METTL15: variants seen among roughly 807,000 people sequenced by gnomAD.
METTL15 encodes the protein 12S rRNA N(4)-cytidine methyltransferase METTL15.
Under a neutral mutation model 38.3 loss-of-function variants are expected in METTL15, and 34 were observed. That is an observed-to-expected ratio of 0.89 (90% CI 0.68 to 1.18). The LOEUF (loss-of-function observed/expected upper bound fraction) is 1.18, where lower values mean the gene tolerates loss of function less well. Among genes scored for constraint, METTL15 ranks in the 50% most tolerant of loss-of-function variants. The pLI is 0.00. For synonymous variants in METTL15, 162 were observed against 170.9 expected, an observed-to-expected ratio of 0.95 and a Z score of 0.41; for missense variants, 438 against 498.4, an observed-to-expected ratio of 0.88 and a Z score of 1.15.
chr11:28,287,154 CAATGTGTGT>C (rs1565225354), intron 4 of METTL15: 4 of 85,382 alleles, frequency 4.7e-5, no homozygotes, highest in African/African-American at 2.0e-4. Flanking sequence ...GAGAGAGAGA[CAATGTGTGT>C]GTGTGTGTGT....
Position 28,418,181 on chromosome 11 carries a change from C to A in METTL15, c.*359-6118C>A, listed in dbSNP as rs138631462. 2.4e-3 allele frequency among the ~76,000 whole-genome samples: 368 copies of A among 152,208 alleles called. 5 individuals are homozygous for A. The highest frequency in any genetic ancestry group is 0.02 in the Admixed American group (307 of 15,286). The stretch of plus-strand genomic sequence containing the variant: ...CTGCCAGTGTATGTCTCTCTGATGA[C>A]CTGCTGCCTCTGGGATTCCTTGAAC... On this transcript the variant is annotated intron_variant and NMD_transcript_variant, in intron 5 of 7. Coordinates refer to the METTL15 transcript ENST00000532947.
chr11:28,413,352 C>G (rs1254377072), intron 5 of METTL15, among the ~76,000 whole-genome samples: 1 of 151,946 alleles, frequency 6.6e-6, no homozygotes, highest in African/African-American at 2.4e-5. Flanking sequence ...ACAAACTAAA[C>G]TTTTGGACTA....
chr11:28,414,351 T>TCAGCCTCCCAAAGTGCTAGGACTATAG, intron 5 of METTL15, among the ~76,000 whole-genome samples: 1 of 152,022 alleles, frequency 6.6e-6, no homozygotes, highest in Non-Finnish European at 1.5e-5. Context: ...TTTCCGAACC[T>TCAGCCTCCCAAAGTGCTAGGACTATAG]GTTCAATCTC....
chr11:28,430,004 C>G (rs968169603), intron 6 of METTL15, among the ~76,000 whole-genome samples: 4 of 136,460 alleles, frequency 2.9e-5, no homozygotes, highest in Non-Finnish European at 6.4e-5. Flanking sequence ...CGCCTCTGCC[C>G]CGCCGCCCCA....
intron 4 of METTL15, among the ~76,000 whole-genome samples, chr11:28,230,708 C>T (rs1418436791): frequency 6.6e-6 from 1 of 151,820 alleles, no homozygotes; most frequent in East Asian, 1.9e-4. Context: ...ATGTATAATC[C>T]TCCTGTTCTC....
intron 3 of METTL15, among the ~76,000 whole-genome samples, chr11:28,139,836 T>A (rs1054572172): frequency 6.6e-6 from 1 of 152,066 alleles, no homozygotes; most frequent in Non-Finnish European, 1.5e-5. Flanking sequence ...AAAAACAGCT[T>A]AAATGCAGGA....
intron 3 of METTL15, among the ~76,000 whole-genome samples, chr11:28,342,341 C>T (rs975098990): frequency 6.6e-6 from 1 of 152,058 alleles, no homozygotes; most frequent in Non-Finnish European, 1.5e-5. Flanking sequence ...ATGGCTCACT[C>T]AGCCTTAACC....
chr11:28,287,914 C>A (rs1256962984), intron 4 of METTL15, among the ~76,000 whole-genome samples: 1 of 149,964 alleles, frequency 6.7e-6, no homozygotes, highest in African/African-American at 2.5e-5. Flanking sequence ...TCTCACAGCC[C>A]CTGGTTTTGC....
chr11:28,351,120 T>A (rs541132265), intron 3 of METTL15, among the ~76,000 whole-genome samples: 2,058 of 16,570 alleles, frequency 0.12, 10 homozygotes, highest in Non-Finnish European at 0.18. Flanking sequence ...TAAAAAAAAT[T>A]TTTTTTTTTT....
chr11:28,158,478 C>G (rs1372748825), intron 3 of METTL15, among the ~76,000 whole-genome samples: 1 of 152,124 alleles, frequency 6.6e-6, no homozygotes, highest in Non-Finnish European at 1.5e-5. Flanking sequence ...AACACCAAGC[C>G]CTCGATATGG....
chr11:28,430,741 C>T (rs1290314992), intron 6 of METTL15, among the ~76,000 whole-genome samples: 25 of 112,658 alleles, frequency 2.2e-4, no homozygotes, highest in East Asian at 5.9e-4. Flanking sequence ...GTCAGCCCTC[C>T]GCCTGGCCAG....
intron 3 of METTL15, among the ~76,000 whole-genome samples, chr11:28,139,889 TGGGTTCCTCCAA>T (rs1202446843): frequency 6.6e-6 from 1 of 152,156 alleles, no homozygotes; most frequent in Non-Finnish European, 1.5e-5. Context: ...TCTATGCAAA[TGGGTTCCTCCAA>T]CAGGGAGAGA....
intron 3 of METTL15, among the ~76,000 whole-genome samples, chr11:28,133,841 T>C (rs1387107246): frequency 6.6e-6 from 1 of 152,144 alleles, no homozygotes; most frequent in Non-Finnish European, 1.5e-5. Flanking sequence ...GAATTCCTGA[T>C]CCATAGAAAC....
intron 5 of METTL15, among the ~76,000 whole-genome samples, chr11:28,366,768 A>T (rs1850190349): frequency 6.6e-6 from 1 of 152,192 alleles, no homozygotes; most frequent in African/African-American, 2.4e-5. Flanking sequence ...CCCATATTTA[A>T]ATAGAGTTTA....
rs891657368 is a variant in METTL15 at position 28,331,419 on chromosome 11, T to G, written c.*578T>G. The G allele has an allele frequency of 1.3e-5, 2 of 151,764 alleles. No individual in the cohort carries two copies. Among genetic ancestry groups the G allele is most frequent in the African/African-American group, 4.8e-5 (2 of 41,342 alleles). The allele number at this position is 151,764 out of a possible 1,614,324, so 9.4% of individuals were successfully genotyped here. On this transcript the variant is annotated 3_prime_UTR_variant, in exon 7 of 7. Transcript: ENST00000407364. ...ATTATAGTCTATTATTTTAAAGGGA[T>G]TTTTCAGTATGATATGGGCCATTTT...
chr11:28,401,053 C>T (rs1219147606), intron 5 of METTL15, among the ~76,000 whole-genome samples: 1 of 151,898 alleles, frequency 6.6e-6, no homozygotes, highest in Non-Finnish European at 1.5e-5. Flanking sequence ...TTCATTAGAG[C>T]AAAAGATAGA....
intron 6 of METTL15, among the ~76,000 whole-genome samples, chr11:28,485,557 G>T (rs1851431472): frequency 6.6e-6 from 1 of 152,188 alleles, no homozygotes; most frequent in Non-Finnish European, 1.5e-5. Context: ...GAATCATATT[G>T]TTGGAAACTC....
chr11:28,383,848 G>T (rs1022281149), intron 5 of METTL15, among the ~76,000 whole-genome samples: 1 of 151,992 alleles, frequency 6.6e-6, no homozygotes, highest in Non-Finnish European at 1.5e-5. Flanking sequence ...GGATGCACAT[G>T]GAGGTTTGTT....
At chr11:28,190,013 A>C (rs931868408) in intron 3 of METTL15, among the ~76,000 whole-genome samples, 7 of 150,978 alleles carry the variant, frequency 4.6e-5, no homozygotes, top group African/African-American at 1.7e-4. Flanking sequence ...CTGTATTTTG[A>C]GTTAATGCTG....
Sources: gnomAD v4.1 joint callset for allele counts (sites outside exome capture counted in the v4.1 genomes callset) on GRCh38, gnomAD v4.1.1 for gene constraint, MANE v1.5 for transcripts, NCBI Gene and HGNC (gene_info 2026-07-23, HGNC 2026-07-21) for gene names.